Variants in CLPTM1 observed in about 807,000 individuals in gnomAD.
CLPTM1 encodes the protein putative lipid scramblase CLPTM1.
A neutral mutation model predicts 77.3 loss-of-function variants in CLPTM1; 21 were observed. The observed-to-expected ratio is 0.27, with a 90% CI of 0.19 to 0.39. The LOEUF (loss-of-function observed/expected upper bound fraction) is 0.39, where lower values mean the gene tolerates loss of function less well. Ranked by LOEUF, CLPTM1 falls within the 10% of genes least tolerant of loss-of-function variation. CLPTM1 has a pLI of 1.00. For missense variants in CLPTM1, 642 were observed against 921.2 expected (o/e 0.70, Z 3.92); for synonymous variants, 373 against 381.0 (o/e 0.98, Z 0.24).
intron 5 of CLPTM1, among the ~76,000 whole-genome samples, chr19:44,978,717 A>G (rs2122297486): frequency 6.6e-6 from 1 of 152,288 alleles, no homozygotes; most frequent in South Asian, 2.1e-4. Flanking sequence ...TAATCCATGA[A>G]TGGGTTAATC....
At chr19:44,983,617 C>CAAAAAAAAAA (rs35582067) in intron 5 of CLPTM1, among the ~76,000 whole-genome samples, 36 of 39,796 alleles carry the variant, frequency 9.0e-4, no homozygotes, top group East Asian at 1.7e-3. Flanking sequence ...GACTCTGTCT[C>CAAAAAAAAAA]AAAAAAAAAA....
At chr19:44,966,356 T>A (rs540909389) in intron 2 of CLPTM1, among the ~76,000 whole-genome samples, 12 of 152,076 alleles carry the variant, frequency 7.9e-5, no homozygotes, top group Admixed American at 2.0e-4. Context: ...GCTTGCAGTG[T>A]GCCAAGATGC....
chr19:44,976,462 C>T (rs1970807365), intron 4 of CLPTM1, among the ~76,000 whole-genome samples: 1 of 152,190 alleles, frequency 6.6e-6, no homozygotes, highest in East Asian at 1.9e-4. Context: ...AGCCAGTGCA[C>T]TCCAGCCTGG....
Position 44,986,524 on chromosome 19 carries a change from G to A in CLPTM1, c.742G>A (p.Asp248Asn), listed in dbSNP as rs146761034. 1.2e-6 allele frequency: 2 copies of A among 1,614,000 alleles called. No individual in the cohort carries two copies. The highest frequency in any genetic ancestry group is 2.7e-5 in the African/African-American group (2 of 74,916). ...WHPNITINIVDDHTPWVKGSV... is the reference protein window; with the variant it reads ...WHPNITINIVNDHTPWVKGSV... ...CCCCAACATCACCATCAACATCGTG[G>A]ACGACCACACGCCGTGGGTGAAGGG... Residue 248 changes from aspartate to asparagine, a missense_variant, in exon 7 of 14, where the codon GAC becomes AAC. Transcript: ENST00000337392.
Position 44,991,174 on chromosome 19 carries a change from G to A in CLPTM1, c.1420-64G>A, listed in dbSNP as rs936617381. Reference sequence around the variant, plus strand: ...CAGACCAGGTGTGGTGGGTGAGGGCGGGGAGCAGGGCTGCCAGGCAGGGCT... The same window carrying A: ...CAGACCAGGTGTGGTGGGTGAGGGCAGGGAGCAGGGCTGCCAGGCAGGGCT... On this transcript the variant is annotated intron_variant, in intron 11 of 13. Transcript: ENST00000337392. This position sits in a 1 kb window ranked among gnomAD's most constrained non-coding sequence, Gnocchi z 5.4. The A allele has an allele frequency of 1.1e-5, 17 of 1,602,906 alleles. No homozygotes were observed. Among genetic ancestry groups the A allele is most frequent in the African/African-American group, 8.0e-5 (6 of 74,766 alleles).
chr19:44,971,867 CT>C lies in CLPTM1; in HGVS notation c.186-1198del, dbSNP rs10693027. 9.1e-3 allele frequency among the ~76,000 whole-genome samples: 759 copies of C among 83,212 alleles called. 3 individuals are homozygous for C. Among genetic ancestry groups the C allele is most frequent in the African/African-American group, 0.032 (651 of 20,082 alleles). The allele number at this position is 83,212 out of a possible 152,430, so 54.6% of individuals were successfully genotyped here. On this transcript the variant is annotated intron_variant, in intron 2 of 13. Coordinates refer to ENST00000337392, the MANE Select transcript of CLPTM1 (RefSeq NM_001294.4). ...AGCTGCTACACCTGACCCAATTATA[CT>C]TTTTTTTTTTTTTTTTTTTTTGAGA...
intron 1 of CLPTM1, among the ~76,000 whole-genome samples, chr19:44,957,219 T>C (rs1568639008): frequency 2.0e-5 from 3 of 152,250 alleles, no homozygotes; most frequent in African/African-American, 7.2e-5. Flanking sequence ...TGCACAGGTC[T>C]CTCCCCTCTT....
intron 5 of CLPTM1, among the ~76,000 whole-genome samples, chr19:44,979,263 G>C (rs1600033719): frequency 6.6e-6 from 1 of 152,146 alleles, no homozygotes. Flanking sequence ...ACAGGTGTGA[G>C]CTGCCACACC....
In CLPTM1 at chr19:44,990,364, C is replaced by T; in HGVS notation, c.1133-31C>T. ...AGTAGGGTCTCAGCACCTCCTCAGC[C>T]TCCTGGTTCCCCCCTACCCCCTGCG... On this transcript the variant is annotated intron_variant, in intron 9 of 13. Coordinates refer to ENST00000337392, the MANE Select transcript of CLPTM1 (RefSeq NM_001294.4). This position sits in a 1 kb window ranked among gnomAD's most constrained non-coding sequence, Gnocchi z 4.8. 6.2e-7 allele frequency: 1 copy of T among 1,607,154 alleles called. No homozygotes were observed. Among genetic ancestry groups the T allele is most frequent in the East Asian group, 2.2e-5 (1 of 44,736 alleles).
chr19:44,973,416 G>A (rs537649691), intron 3 of CLPTM1, among the ~76,000 whole-genome samples: 2 of 152,210 alleles, frequency 1.3e-5, no homozygotes, highest in African/African-American at 4.8e-5. Flanking sequence ...CATAAAACCT[G>A]TGTCACCCAA....
chr19:44,982,900 A>G (rs1900958413), intron 5 of CLPTM1, among the ~76,000 whole-genome samples: 1 of 152,136 alleles, frequency 6.6e-6, no homozygotes, highest in Admixed American at 6.5e-5. Context: ...CGTCTCTACT[A>G]AAAATACAAA....
chr19:44,958,264 A>T (rs1970493115), intron 1 of CLPTM1, among the ~76,000 whole-genome samples: 1 of 151,520 alleles, frequency 6.6e-6, no homozygotes, highest in Admixed American at 6.6e-5. Context: ...AAGGGCGAGG[A>T]GGCTGGAGCG....
chr19:44,986,997 T>G, intron 7 of CLPTM1, 182 bp from the exon 8 acceptor site: 1 of 744,746 alleles, frequency 1.3e-6, no homozygotes, highest in Non-Finnish European at 2.2e-6. Context: ...GCCTGCCCTT[T>G]GCCTCAGTCC....
intron 4 of CLPTM1, among the ~76,000 whole-genome samples, chr19:44,975,539 G>C (rs542453518): frequency 2.8e-4 from 43 of 152,150 alleles, no homozygotes; most frequent in Non-Finnish European, 3.1e-4. Context: ...GCAGAATGTG[G>C]ACACAGTCAT....
Position 44,987,446 on chromosome 19 carries a change from G to C in CLPTM1, c.1038+23G>C, listed in dbSNP as rs776437723. On this transcript the variant is annotated intron_variant, in intron 8 of 13. Transcript: ENST00000337392. ...AAGGTGAGTGCGGCCGGTGTGGGCG[G>C]GACTTCCCGGTGCCTTCCTGGGCGC... is the stretch of plus-strand genomic sequence containing the variant. 4.3e-6 allele frequency: 7 copies of C among 1,609,746 alleles called. No homozygotes were observed. In the African/African-American group the frequency reaches 5.3e-5, roughly 12 times the overall value.
chr19:44,975,001 C>T (rs115734469), intron 4 of CLPTM1, among the ~76,000 whole-genome samples: 1,934 of 152,270 alleles, frequency 0.013, 33 homozygotes, highest in African/African-American at 0.043. Context: ...GGAAATTTCC[C>T]GGCAACCCTG....
At chr19:44,977,246 G>C (rs1176746333) in intron 4 of CLPTM1, 97 bp from the exon 5 acceptor site, 1 of 875,330 alleles carries the variant, frequency 1.1e-6, no homozygotes, top group Non-Finnish European at 1.9e-6. Flanking sequence ...GAGAGTTGAG[G>C]GGGAGGAAAC....
At chr19:44,980,426 T>C (rs1053504859) in intron 5 of CLPTM1, among the ~76,000 whole-genome samples, 12 of 151,540 alleles carry the variant, frequency 7.9e-5, no homozygotes, top group Admixed American at 4.6e-4. Flanking sequence ...GGAGAATCTT[T>C]TGGACCCCGG....
At chr19:44,955,131 A>T, upstream of CLPTM1, 1 of 1,535,766 alleles carries the variant, frequency 6.5e-7, no homozygotes, top group Non-Finnish European at 8.7e-7. Flanking sequence ...TGCGGGAGGC[A>T]CATGCTGGCC....
Sources: gnomAD v4.1 joint callset for allele counts (sites outside exome capture counted in the v4.1 genomes callset) on GRCh38, gnomAD v4.1.1 for gene constraint, Gnocchi (gnomAD v3.1) non-coding constraint, MANE v1.5 for transcripts, NCBI Gene and HGNC (gene_info 2026-07-23, HGNC 2026-07-21) for gene names.